Variants in RAPGEF1 observed in about 807,000 individuals in gnomAD.
RAPGEF1 encodes Rap guanine nucleotide exchange factor 1.
In RAPGEF1, 33 loss-of-function variants were observed where a neutral mutation model predicts 143.3. That is an observed-to-expected ratio of 0.23 (90% CI 0.17 to 0.31). The LOEUF is 0.31. Among genes scored for constraint, RAPGEF1 ranks in the 10% least tolerant of loss-of-function variants. RAPGEF1 has a pLI of 1.00. For synonymous variants in RAPGEF1, 629 were observed against 676.5 expected (o/e 0.93, Z 1.09); for missense variants, 1,199 against 1,645.4 (o/e 0.73, Z 4.69).
intron 1 of RAPGEF1, among the ~76,000 whole-genome samples, chr9:131,690,946 C>G (rs376483889): frequency 6.6e-6 from 1 of 152,158 alleles, no homozygotes; most frequent in African/African-American, 2.4e-5. Context: ...TATTGATTTA[C>G]TCTTAATGAG....
chr9:131,584,645 A>G lies in RAPGEF1; in HGVS notation c.3234-49T>C. On this transcript the variant is annotated intron_variant, in intron 22 of 26. Transcript: ENST00000683357. The surrounding 1 kb of genome is among the most constrained non-coding windows in gnomAD (Gnocchi z 6.8). ...AACAGCTGAGTTGACAAGTCCCTGC[A>G]GGTCCCAGGGGTCCTGGTGGAGACA... 2 of 1,591,694 alleles carry G rather than the reference A, an allele frequency of 1.3e-6. No homozygotes were observed. Among genetic ancestry groups the G allele is most frequent in the Non-Finnish European group, 1.7e-6 (2 of 1,159,994 alleles).
chr9:131,739,510 T>C (rs566724030), intron 1 of RAPGEF1, among the ~76,000 whole-genome samples: 4 of 151,570 alleles, frequency 2.6e-5, no homozygotes, highest in East Asian at 2.0e-4. Context: ...GCGGAGCGGC[T>C]AGCGCGCCCG....
At chr9:131,587,105 T>A (rs11243443) in intron 22 of RAPGEF1, among the ~76,000 whole-genome samples, 2 of 40,420 alleles carry the variant, frequency 4.9e-5, no homozygotes, top group Admixed American at 5.3e-4. Flanking sequence ...GACTCCGTCT[T>A]ACACACACAC....
chr9:131,647,480 C>T (rs1334996494), intron 3 of RAPGEF1, among the ~76,000 whole-genome samples: 2 of 152,194 alleles, frequency 1.3e-5, no homozygotes, highest in African/African-American at 2.4e-5. Flanking sequence ...TCCCTCGTAT[C>T]TGAGCAGGGA....
In RAPGEF1 at chr9:131,732,871, G is replaced by A. The variant is rs532107705; in HGVS notation, c.61+6899C>T. Among the ~76,000 whole-genome samples, 90 of 152,276 alleles carry A rather than the reference G, an allele frequency of 5.9e-4. 1 individual carries two copies. Among genetic ancestry groups the A allele is most frequent in the African/African-American group, 1.7e-3 (72 of 41,554 alleles). On this transcript the variant is annotated intron_variant, in intron 1 of 26. Transcript: ENST00000683357. ...CGCAGTGGTAGACACACTCCCTCAC[G>A]GAGCTAATCATCTGTTTAACATTTC...
intron 1 of RAPGEF1, among the ~76,000 whole-genome samples, chr9:131,708,801 G>A (rs909097583): frequency 2.0e-5 from 3 of 151,330 alleles, no homozygotes; most frequent in Non-Finnish European, 2.9e-5. Context: ...GCGCAATCTC[G>A]GCTACTGTAA....
chr9:131,731,894 C>T lies in RAPGEF1; in HGVS notation c.61+7876G>A, dbSNP rs370442780. 3.8e-3 allele frequency among the ~76,000 whole-genome samples: 573 copies of T among 152,238 alleles called. 3 individuals carry two copies. The highest frequency in any genetic ancestry group is 0.013 in the African/African-American group (546 of 41,530). ...AGCTGTTACAGGAGTCGTGGTGTTCCGGGAAGCAGCAGTCCAGACTGCAGG... is the reference window on the plus strand; with the variant it reads ...AGCTGTTACAGGAGTCGTGGTGTTCTGGGAAGCAGCAGTCCAGACTGCAGG... On this transcript the variant is annotated intron_variant, in intron 1 of 26. Transcript: ENST00000683357.
chr9:131,716,513 C>T (rs1361096249), intron 1 of RAPGEF1, among the ~76,000 whole-genome samples: 1 of 152,222 alleles, frequency 6.6e-6, no homozygotes, highest in South Asian at 2.1e-4. Context: ...TGCCTGTAAT[C>T]CCAGCACTTT....
intron 18 of RAPGEF1, among the ~76,000 whole-genome samples, chr9:131,590,397 T>G (rs766659378): frequency 3.3e-5 from 5 of 152,150 alleles, no homozygotes; most frequent in Admixed American, 6.5e-5. Context: ...AGTATCTCCC[T>G]CCAGTCTTTC....
At chr9:131,620,579 G>A (rs377355577) in intron 11 of RAPGEF1, among the ~76,000 whole-genome samples, 4 of 152,148 alleles carry the variant, frequency 2.6e-5, no homozygotes, top group East Asian at 1.9e-4. Context: ...AAAATGGCAC[G>A]TGCGACACGG....
intron 12 of RAPGEF1, among the ~76,000 whole-genome samples, chr9:131,608,911 A>T (rs1380543442): frequency 6.6e-6 from 1 of 152,252 alleles, no homozygotes; most frequent in Admixed American, 6.5e-5. Flanking sequence ...GCCATTCCAC[A>T]GAAACGCCGC....
chr9:131,617,554 C>A (rs1959178460), intron 12 of RAPGEF1, among the ~76,000 whole-genome samples: 1 of 152,174 alleles, frequency 6.6e-6, no homozygotes, highest in Non-Finnish European at 1.5e-5. Context: ...CCAAACTCAT[C>A]ATTTACAGAG....
intron 16 of RAPGEF1, among the ~76,000 whole-genome samples, chr9:131,596,640 G>A (rs983918710): frequency 6.6e-6 from 1 of 152,176 alleles, no homozygotes; most frequent in Non-Finnish European, 1.5e-5. Flanking sequence ...CAAGGCACCA[G>A]GGCATGCCAC....
chr9:131,586,221 CACACACACA>C (rs1952721630), intron 22 of RAPGEF1, among the ~76,000 whole-genome samples: 1 of 149,818 alleles, frequency 6.7e-6, no homozygotes. Context: ...CACGCACACA[CACACACACA>C]CACCTGCAGA....
At chr9:131,739,650 T>A in intron 1 of RAPGEF1, 120 bp downstream of exon 1, 1 of 773,936 alleles carries the variant, frequency 1.3e-6, no homozygotes, top group African/African-American at 1.9e-5. Context: ...CTCGGTGGCT[T>A]CACCCCGCCC....
chr9:131,714,819 T>C (rs909308620), intron 1 of RAPGEF1, among the ~76,000 whole-genome samples: 3 of 151,606 alleles, frequency 2.0e-5, no homozygotes, highest in Non-Finnish European at 2.9e-5. Context: ...GCAATCCTCC[T>C]GTCTCAGCCT....
At chr9:131,739,735 C>G in intron 1 of RAPGEF1, 35 bp downstream of exon 1, 1 of 1,103,290 alleles carries the variant, frequency 9.1e-7, no homozygotes, top group Non-Finnish European at 1.1e-6. Flanking sequence ...GGGCCGGGCC[C>G]GGCCGGAGGG....
Position 131,739,787 on chromosome 9 carries a change from C to A in RAPGEF1, c.44G>T (p.Gly15Val). 1 of 1,171,850 alleles carries A rather than the reference C, an allele frequency of 8.5e-7. No homozygotes were observed. Among genetic ancestry groups the A allele is most frequent in the Non-Finnish European group, 1.1e-6 (1 of 931,108 alleles). 72.6% of individuals were successfully genotyped at this position (1,171,850 alleles called of 1,614,324 possible). ...LGLRRSPEMS[G>V]KIEKADSQRS... ...CGCCTCACCTGCTTTCTCGATCTTG[C>A]CGGACATTTCCGGGCTGCGCCGGAG... The change falls in exon 1 of 27, where the codon GGC becomes GTC. Residue 15 changes from glycine to valine, a missense_variant. Physicochemically the swap from Gly to Val is moderately radical, Grantham distance 109. Transcript: ENST00000683357.
chr9:131,618,961 G>C (rs1483942539), intron 12 of RAPGEF1, 90 bp downstream of exon 12: 5 of 1,168,068 alleles, frequency 4.3e-6, no homozygotes, highest in Non-Finnish European at 5.7e-6. Context: ...GGGCCGCGAC[G>C]GGCAGCAGAA....
Sources: gnomAD v4.1 joint callset for allele counts (sites outside exome capture counted in the v4.1 genomes callset) on GRCh38, gnomAD v4.1.1 for gene constraint, Gnocchi (gnomAD v3.1) non-coding constraint, MANE v1.5 for transcripts, NCBI Gene and HGNC (gene_info 2026-07-23, HGNC 2026-07-21) for gene names.